The following DNAJC16 variants were observed in gnomAD, a reference collection of about 807,000 sequenced individuals.
The protein encoded by DNAJC16 is DnaJ heat shock protein family (Hsp40) member C16.
DNAJC16 carries 76 observed loss-of-function variants against 92.7 expected under a neutral mutation model. The observed-to-expected ratio is 0.82, with a 90% CI of 0.68 to 0.99. The LOEUF (loss-of-function observed/expected upper bound fraction) is 0.99. DNAJC16 is among the 50% of genes least tolerant of loss of function. The probability of loss-of-function intolerance (pLI) is 0.00; values close to 1 mark genes in which losing one functional copy is unlikely to be tolerated. For missense variants in DNAJC16, 869 were observed against 942.4 expected, an observed-to-expected ratio of 0.92 and a Z score of 1.02; for synonymous variants, 328 against 358.7, an observed-to-expected ratio of 0.91 and a Z score of 0.97.
chr1:15,527,560 A>C (rs1710547441), intron 1 of DNAJC16, among the ~76,000 whole-genome samples: 1 of 152,216 alleles, frequency 6.6e-6, no homozygotes, highest in African/African-American at 2.4e-5. Context: ...CAAGGTAATA[A>C]AGTAGTGGAG....
In DNAJC16 at chr1:15,568,011, A is replaced by G. The variant is rs746240540; in HGVS notation, c.2183A>G (p.Asp728Gly). ...GAGGAAGCCATAGGGTCGTGCAGTG[A>G]TGTTGACTCTTCCCTCTACCTGGGT... The part of the protein sequence containing the change: ...EEEEAIGSCS[D>G]VDSSLYLGES... The change falls in exon 15 of 15, where the codon GAT (aspartate) becomes GGT (glycine). Residue 728 changes from aspartate to glycine, a missense_variant. Coordinates refer to ENST00000375847, the MANE Select transcript of DNAJC16 (RefSeq NM_015291.4). 9 of 1,614,208 alleles carry G rather than the reference A, an allele frequency of 5.6e-6. No individual in the cohort carries two copies. In the South Asian group the frequency reaches 7.7e-5, roughly 14 times the overall value.
At chr1:15,533,191 C>T (rs181803511) in intron 2 of DNAJC16, among the ~76,000 whole-genome samples, 9 of 152,150 alleles carry the variant, frequency 5.9e-5, no homozygotes, top group Admixed American at 5.9e-4. Context: ...CCCTTACTAT[C>T]GAGAACTTTA....
Position 15,563,937 on chromosome 1 carries a change from T to C in DNAJC16, c.1347T>C (p.Ile449=), listed in dbSNP as rs1638750717. 6.2e-7 allele frequency: 1 copy of C among 1,609,828 alleles called. No homozygotes were observed. Among genetic ancestry groups the C allele is most frequent in the Non-Finnish European group, 8.5e-7 (1 of 1,178,768 alleles). ...CTCTACTTTTCTTCCAGGTGTCTAT[T>C]TTAGAAAGGCGCAACACAGCAGGAA... The part of the protein sequence containing the change: ...EAFQGKSAVS[I]LERRNTAGRV... Residue 449 remains isoleucine (I), a synonymous_variant, in exon 10 of 15, where the codon ATT becomes ATC. Coordinates refer to ENST00000375847, the MANE Select transcript of DNAJC16 (RefSeq NM_015291.4).
At chr1:15,559,761 T>G (rs1402134993) in intron 8 of DNAJC16, 105 bp downstream of exon 8, 2 of 1,472,330 alleles carry the variant, frequency 1.4e-6, no homozygotes, top group Non-Finnish European at 1.8e-6. Flanking sequence ...TGAGAACTTA[T>G]TCTTCATTTA....
At position 15,544,527 on chromosome 1, in the gene DNAJC16, C is replaced by T. The variant is rs1355551260; in HGVS notation, c.703C>T (p.Arg235Cys). ...CTCCTTCTTCCACAATGCAGTTGTCCGTGAAAATCTGCGACAATTTGTAGA... is the reference window on the plus strand; with the variant it reads ...CTCCTTCTTCCACAATGCAGTTGTCTGTGAAAATCTGCGACAATTTGTAGA... The part of the protein sequence containing the change: ...KISFFHNAVV[R>C]ENLRQFVESL... The change falls in exon 5 of 15, where the codon CGT (arginine) becomes TGT (cysteine). Residue 235 changes from arginine (R) to cysteine (C), a missense_variant. Physicochemically the swap from Arg to Cys is radical, Grantham distance 180 (BLOSUM62 -3). Coordinates refer to ENST00000375847, the MANE Select transcript of DNAJC16 (RefSeq NM_015291.4). 39 of 1,613,976 alleles carry T rather than the reference C, an allele frequency of 2.4e-5. 2 individuals carry two copies. The South Asian group carries it at 2.5e-4, about 10-fold the overall frequency.
intron 11 of DNAJC16, 99 bp from the exon 12 acceptor site, chr1:15,565,820 G>C (rs1349058851): frequency 8.7e-7 from 1 of 1,149,080 alleles, no homozygotes; most frequent in African/African-American, 1.6e-5. Context: ...AGCGTTTATT[G>C]GTGTGAAGAG....
At chr1:15,547,059 T>C (rs1190142113) in intron 6 of DNAJC16, among the ~76,000 whole-genome samples, 188 bp downstream of exon 6, 1 of 152,064 alleles carries the variant, frequency 6.6e-6, no homozygotes, top group African/African-American at 2.4e-5. Context: ...TGAGTACTGA[T>C]TAATGCCAGT....
chr1:15,554,848 G>A (rs181462509), intron 7 of DNAJC16, among the ~76,000 whole-genome samples: 3 of 152,098 alleles, frequency 2.0e-5, no homozygotes, highest in African/African-American at 4.8e-5. Context: ...TGATATAGGG[G>A]AAGTATGTCT....
Position 15,562,263 on chromosome 1 carries a change from C to G in DNAJC16, c.1276C>G (p.Arg426Gly). ...TVRFVHVYSN[R>G]QQEFADTLLP... ...GAGATTTGTGCATGTCTACAGCAAT[C>G]GGCAGCAGGAGTTTGCCGACACCTT... Residue 426 changes from arginine to glycine, a missense_variant, in exon 9 of 15, where the codon CGG becomes GGG. Physicochemically the swap from Arg to Gly is moderately radical, Grantham distance 125 (BLOSUM62 -2). Transcript: ENST00000375847. 1 of 1,614,094 alleles carries G rather than the reference C, an allele frequency of 6.2e-7. No homozygotes were observed.
rs1480360874 is a variant in DNAJC16, at chr1:15,568,988, C to T, written c.*811C>T. ...CGTTGACATGTATGTCTTCAGATGC[C>T]TTTCTGCCTCTGTCGATTTTAGGGT... On this transcript the variant is annotated 3_prime_UTR_variant, in exon 15 of 15. Transcript: ENST00000375847. 1 of 315,098 alleles carries T rather than the reference C, an allele frequency of 3.2e-6. No individual in the cohort carries two copies. Among genetic ancestry groups the T allele is most frequent in the Non-Finnish European group, 5.8e-6 (1 of 172,914 alleles). 19.5% of individuals were successfully genotyped at this position (315,098 alleles called of 1,614,324 possible). A position where few individuals can be genotyped will look rare whatever the true frequency, so the allele number is the denominator to read the frequency against.
Position 15,567,781 on chromosome 1 carries a change from C to G in DNAJC16, c.1953C>G (p.Ser651Arg), listed in dbSNP as rs1383156174. ...FALEVYTFTG[S>R]SCLHFSFLSL... The stretch of plus-strand genomic sequence containing the variant: ...CTCAATTCTCTTCTTCCTACAGGAG[C>G]AGCTGCCTACACTTCTCCTTCCTGA... The change falls in exon 15 of 15, where the codon AGC becomes AGG. Residue 651 changes from serine (S) to arginine (R), a missense_variant. Coordinates refer to ENST00000375847, the MANE Select transcript of DNAJC16 (RefSeq NM_015291.4). 2 of 1,611,716 alleles carry G rather than the reference C, an allele frequency of 1.2e-6. No homozygotes were observed. Among genetic ancestry groups the G allele is most frequent in the Non-Finnish European group, 1.7e-6 (2 of 1,178,702 alleles).
chr1:15,555,090 T>C (rs1167981930), intron 7 of DNAJC16, among the ~76,000 whole-genome samples: 2 of 151,146 alleles, frequency 1.3e-5, no homozygotes, highest in Non-Finnish European at 2.9e-5. Flanking sequence ...TAAAAAAGAA[T>C]GTAGGCCAGG....
intron 6 of DNAJC16, among the ~76,000 whole-genome samples, chr1:15,547,886 A>G (rs141367855): frequency 4.3e-4 from 66 of 152,066 alleles, no homozygotes; most frequent in African/African-American, 1.5e-3. Context: ...CTCCCAGCCT[A>G]CCTACACTCC....
At chr1:15,555,916 A>G (rs2753298) in intron 7 of DNAJC16, among the ~76,000 whole-genome samples, 113,321 of 150,032 alleles carry the variant, frequency 0.76, 43,987 homozygotes, top group African/African-American at 0.94. Context: ...ACTTGAACCC[A>G]GGAGGCGGAG....
chr1:15,541,295 T>A (rs960844095), intron 4 of DNAJC16, among the ~76,000 whole-genome samples: 2 of 152,218 alleles, frequency 1.3e-5, no homozygotes, highest in African/African-American at 4.8e-5. Flanking sequence ...GCTCATATAA[T>A]TCTCTGTATG....
rs1240673526 is a variant in DNAJC16 at position 15,537,151 on chromosome 1, C to G, written c.574+337C>G. ...CAGGTGGGAGCCACCATGCCTGGCC[C>G]CAAAGCAGGTTTTTTAAATTGCCTA... On this transcript the variant is annotated intron_variant, in intron 4 of 14. Coordinates refer to ENST00000375847, the MANE Select transcript of DNAJC16 (RefSeq NM_015291.4). Among the ~76,000 whole-genome samples, 4 of 152,120 alleles carry G rather than the reference C, an allele frequency of 2.6e-5. No homozygotes were observed. In the East Asian group the frequency reaches 7.7e-4, roughly 29 times the overall value.
At position 15,552,350 on chromosome 1, in the gene DNAJC16, G is replaced by C. The variant is rs540253999; in HGVS notation, c.1023+3922G>C. 1.4e-4 allele frequency among the ~76,000 whole-genome samples: 22 copies of C among 152,000 alleles called. No individual in the cohort carries two copies. In the East Asian group the frequency reaches 4.3e-3, roughly 30 times the overall value. The stretch of plus-strand genomic sequence containing the variant: ...AAAAAAAATACAAAAATTAGCTGGC[G>C]TGGTGGCATGCACCTGTAGTCCCAG... On this transcript the variant is annotated intron_variant, in intron 7 of 14. Coordinates refer to ENST00000375847, the MANE Select transcript of DNAJC16 (RefSeq NM_015291.4).
At position 15,536,686 on chromosome 1, in the gene DNAJC16, A is replaced by T. The variant is rs1710797617; in HGVS notation, c.446A>T (p.Tyr149Phe). 6.2e-7 allele frequency: 1 copy of T among 1,614,186 alleles called. No individual in the cohort carries two copies. The highest frequency in any genetic ancestry group is 8.5e-7 in the Non-Finnish European group (1 of 1,180,028). The part of the protein sequence containing the change: ...DEKYLLHFSH[Y>F]VNEVVPDSFK... ...AAGTATTTATTGCACTTTTCACATTATGTGAATGAAGTGGTTCCAGATAGC... is the reference window on the plus strand; with the variant it reads ...AAGTATTTATTGCACTTTTCACATTTTGTGAATGAAGTGGTTCCAGATAGC... The change falls in exon 4 of 15, where the codon TAT becomes TTT. Residue 149 changes from tyrosine to phenylalanine, a missense_variant. By Grantham distance (22) the Tyr-to-Phe change is conservative. Coordinates refer to ENST00000375847, the MANE Select transcript of DNAJC16 (RefSeq NM_015291.4).
chr1:15,549,042 T>C (rs1401757302), intron 7 of DNAJC16, among the ~76,000 whole-genome samples: 3 of 152,198 alleles, frequency 2.0e-5, no homozygotes, highest in Non-Finnish European at 4.4e-5. Context: ...CCCATCCAAC[T>C]GTCAAAGATT....
Sources: gnomAD v4.1 joint callset for allele counts (sites outside exome capture counted in the v4.1 genomes callset) on GRCh38, gnomAD v4.1.1 for gene constraint, MANE v1.5 for transcripts, NCBI Gene and HGNC (gene_info 2026-07-23, HGNC 2026-07-21) for gene names.